TYR: variants seen among roughly 807,000 people sequenced by gnomAD.
The protein encoded by TYR is tyrosinase, also known as LB24-AB.
In TYR, 58 loss-of-function variants were observed where a neutral mutation model predicts 51.5. The observed-to-expected ratio is 1.13, with a 90% CI of 0.91 to 1.40. The LOEUF (loss-of-function observed/expected upper bound fraction) is 1.40, where lower values mean the gene tolerates loss of function less well. TYR is among the 40% of genes most tolerant of loss of function. TYR has a pLI of 0.00. For missense variants in TYR, 732 were observed against 647.4 expected, an observed-to-expected ratio of 1.13 and a Z score of -1.42; for synonymous variants, 263 against 235.2, an observed-to-expected ratio of 1.12 and a Z score of -1.08.
At chr11:89,256,836 G>A (rs1473237204) in intron 3 of TYR, among the ~76,000 whole-genome samples, 1 of 151,868 alleles carries the variant, frequency 6.6e-6, no homozygotes, top group African/African-American at 2.4e-5. Context: ...GCCTCACAGG[G>A]CAGTAATTCA....
At chr11:89,190,340 G>A (rs954209691) in intron 1 of TYR, among the ~76,000 whole-genome samples, 1 of 152,030 alleles carries the variant, frequency 6.6e-6, no homozygotes, top group Non-Finnish European at 1.5e-5. Flanking sequence ...ATGTGGAGGT[G>A]GAAGACAATG....
At chr11:89,274,424 T>A (rs553688472) in intron 3 of TYR, among the ~76,000 whole-genome samples, 60 of 151,972 alleles carry the variant, frequency 3.9e-4, no homozygotes, top group African/African-American at 1.4e-3. Flanking sequence ...AAAATGTCTT[T>A]TCTAAGGAAA....
chr11:89,264,980 CTTAA>C (rs1944509356), intron 3 of TYR, among the ~76,000 whole-genome samples: 2 of 152,016 alleles, frequency 1.3e-5, no homozygotes, highest in African/African-American at 4.8e-5. Context: ...TTAGTGCATA[CTTAA>C]TTCTTTTAAG....
intron 2 of TYR, chr11:89,192,130 C>T: frequency 3.2e-6 from 1 of 311,052 alleles, no homozygotes; most frequent in Non-Finnish European, 6.3e-6. Context: ...GAGATTACAT[C>T]TCATGATCTT....
chr11:89,283,553 T>C (rs545492002), intron 3 of TYR, among the ~76,000 whole-genome samples: 1 of 151,870 alleles, frequency 6.6e-6, no homozygotes, highest in East Asian at 1.9e-4. Context: ...GTAGGACAGA[T>C]ATTATTACTC....
At chr11:89,265,770 C>A (rs1457878102) in intron 3 of TYR, among the ~76,000 whole-genome samples, 2 of 151,912 alleles carry the variant, frequency 1.3e-5, no homozygotes, top group African/African-American at 4.8e-5. Context: ...TAAAATAATC[C>A]ATTTTCCTTT....
rs62645904 is a variant in TYR, at chr11:89,191,214, C to T, written c.832C>T (p.Arg278Ter). 1.1e-4 allele frequency: 181 copies of T among 1,613,318 alleles called. 1 individual carries two copies. In the South Asian group the frequency reaches 1.2e-3, roughly 10 times the overall value. The change falls in exon 2 of 5, where the codon CGA (arginine) becomes TGA (stop). Residue 278 changes from arginine (R) to a stop codon, truncating the protein, a stop_gained. Coordinates refer to ENST00000263321, the MANE Select transcript of TYR (RefSeq NM_000372.5). LOFTEE classifies it high-confidence loss of function. ...GTGTTTTGTACAGATTGTCTGTAGC[C>T]GATTGGAGGAGTACAACAGCCATCA... ...FFSSWQIVCS[R>*]LEEYNSHQSL... is the part of the protein sequence containing the mutation.
chr11:89,184,611 A>G (rs1330495391), intron 1 of TYR, among the ~76,000 whole-genome samples: 2 of 152,174 alleles, frequency 1.3e-5, no homozygotes, highest in Admixed American at 1.3e-4. Flanking sequence ...AAAAGGATTT[A>G]GGAACGTTAT....
intron 2 of TYR, among the ~76,000 whole-genome samples, chr11:89,227,252 T>C (rs893922452): frequency 6.6e-6 from 1 of 152,158 alleles, no homozygotes; most frequent in Admixed American, 6.6e-5. Context: ...AATGGAAATA[T>C]TTATTGGAGT....
At chr11:89,205,382 G>T (rs1943660158) in intron 2 of TYR, among the ~76,000 whole-genome samples, 1 of 151,986 alleles carries the variant, frequency 6.6e-6, no homozygotes, top group Non-Finnish European at 1.5e-5. Context: ...TTTAGCAAAA[G>T]AAACTACAAA....
chr11:89,255,692 A>G lies in TYR; in HGVS notation c.1184+27722A>G, dbSNP rs891649093. On this transcript the variant is annotated intron_variant, in intron 3 of 4. Transcript: ENST00000263321. ...GTTTAAATTGTCAAATTAGTGGTAT[A>G]CAATAATTCATAATGTCTACTTCTT... is the stretch of plus-strand genomic sequence containing the variant. 1.0e-3 allele frequency among the ~76,000 whole-genome samples: 159 copies of G among 151,794 alleles called. 1 individual carries two copies. Among genetic ancestry groups the G allele is most frequent in the African/African-American group, 3.6e-3 (148 of 41,418 alleles).
chr11:89,265,683 A>C (rs1263756564), intron 3 of TYR, among the ~76,000 whole-genome samples: 1 of 151,920 alleles, frequency 6.6e-6, no homozygotes, highest in Admixed American at 6.6e-5. Context: ...CTCTTCCACA[A>C]ATTGTTTGTT....
intron 2 of TYR, among the ~76,000 whole-genome samples, chr11:89,221,224 G>T (rs1042601665): frequency 6.6e-6 from 1 of 152,188 alleles, no homozygotes; most frequent in Non-Finnish European, 1.5e-5. Context: ...AGGTGATGCT[G>T]CTAACTCTGG....
chr11:89,260,469 C>T (rs956287189), intron 3 of TYR, among the ~76,000 whole-genome samples: 13 of 151,810 alleles, frequency 8.6e-5, no homozygotes, highest in African/African-American at 2.7e-4. Flanking sequence ...TGTTATTCTT[C>T]AAATATGAAA....
At chr11:89,216,647 C>CAAAAAAAAAAAAAAAAAAAAAAAAAA (rs11411684) in intron 2 of TYR, among the ~76,000 whole-genome samples, 2 of 80,802 alleles carry the variant, frequency 2.5e-5, no homozygotes, top group African/African-American at 4.6e-5. Context: ...TTTTCCATCT[C>CAAAAAAAAAAAAAAAAAAAAAAAAAA]AAAAAAAAAA....
intron 3 of TYR, among the ~76,000 whole-genome samples, chr11:89,270,384 T>C (rs1944574222): frequency 6.6e-6 from 1 of 151,930 alleles, no homozygotes; most frequent in Non-Finnish European, 1.5e-5. Context: ...TCTTTCTCTT[T>C]TTTCCCAAGG....
intron 1 of TYR, among the ~76,000 whole-genome samples, 188 bp downstream of exon 1, chr11:89,178,960 A>T (rs1385324454): frequency 6.6e-6 from 1 of 152,154 alleles, no homozygotes; most frequent in African/African-American, 2.4e-5. Context: ...TATTTGTGTA[A>T]TTATTTGTTT....
chr11:89,199,595 C>T (rs16912981), intron 2 of TYR, among the ~76,000 whole-genome samples: 2,889 of 152,282 alleles, frequency 0.019, 88 homozygotes, highest in African/African-American at 0.066. Flanking sequence ...AAATTCTGGG[C>T]ATCTACTTCC....
At chr11:89,210,545 A>G (rs2135268724) in intron 2 of TYR, among the ~76,000 whole-genome samples, 1 of 152,354 alleles carries the variant, frequency 6.6e-6, no homozygotes, top group Admixed American at 6.5e-5. Flanking sequence ...AACACTCTTC[A>G]GGATATTATC....
Sources: gnomAD v4.1 joint callset for allele counts (sites outside exome capture counted in the v4.1 genomes callset) on GRCh38, gnomAD v4.1.1 for gene constraint, MANE v1.5 for transcripts, NCBI Gene and HGNC (gene_info 2026-07-23, HGNC 2026-07-21) for gene names.